Variants in SUPT3H observed in about 807,000 individuals in gnomAD.
SUPT3H encodes SPT3 homolog, SAGA and STAGA complex component.
In SUPT3H, 44 loss-of-function variants were observed where a neutral mutation model predicts 44.3. That is an observed-to-expected ratio of 0.99 (90% CI 0.78 to 1.28). The LOEUF is 1.28. Ranked by LOEUF, SUPT3H falls within the 50% of genes most tolerant of loss-of-function variation. SUPT3H has a pLI of 0.00. For missense variants in SUPT3H, 380 were observed against 387.1 expected (o/e 0.98, Z 0.15); for synonymous variants, 124 against 125.6 (o/e 0.99, Z 0.09).
intron 10 of SUPT3H, among the ~76,000 whole-genome samples, chr6:44,837,388 C>A (rs1770114298): frequency 6.6e-6 from 1 of 152,202 alleles, no homozygotes; most frequent in Admixed American, 6.5e-5. Flanking sequence ...ATTTGACTAG[C>A]AGGTAGCTTC....
At chr6:45,245,336 T>G (rs1041418903) in intron 2 of SUPT3H, among the ~76,000 whole-genome samples, 2 of 152,104 alleles carry the variant, frequency 1.3e-5, no homozygotes, top group African/African-American at 2.4e-5. Context: ...AGGTTAAAAT[T>G]CAGTGACATT....
intron 2 of SUPT3H, among the ~76,000 whole-genome samples, chr6:45,354,208 T>C (rs1006112788): frequency 6.6e-6 from 1 of 152,148 alleles, no homozygotes; most frequent in Non-Finnish European, 1.5e-5. Context: ...ATATCATTTT[T>C]AATAATAGTG....
intron 2 of SUPT3H, among the ~76,000 whole-genome samples, chr6:45,351,111 G>A (rs1457135302): frequency 6.6e-6 from 1 of 152,058 alleles, no homozygotes; most frequent in Non-Finnish European, 1.5e-5. Context: ...CAGGTCTGTG[G>A]AAAAAATGCC....
At chr6:45,275,324 T>G (rs1425467319) in intron 2 of SUPT3H, among the ~76,000 whole-genome samples, 5 of 152,210 alleles carry the variant, frequency 3.3e-5, no homozygotes, top group African/African-American at 7.2e-5. Context: ...ATCTATAATA[T>G]TCTTATAATC....
At chr6:45,056,878 A>G (rs1388700164) in intron 3 of SUPT3H, among the ~76,000 whole-genome samples, 1 of 152,202 alleles carries the variant, frequency 6.6e-6, no homozygotes, top group Non-Finnish European at 1.5e-5. Flanking sequence ...GTCTTAAACA[A>G]CAACAAAATT....
At chr6:45,332,517 C>T (rs1787721008) in intron 2 of SUPT3H, among the ~76,000 whole-genome samples, 1 of 151,754 alleles carries the variant, frequency 6.6e-6, no homozygotes, top group South Asian at 2.1e-4. Context: ...CATACAAATA[C>T]CAATCTTCCA....
intron 2 of SUPT3H, among the ~76,000 whole-genome samples, chr6:45,120,418 A>T (rs1051470234): frequency 1.6e-4 from 2 of 12,184 alleles, no homozygotes; most frequent in Non-Finnish European, 2.7e-4. Context: ...GACCTTGTCT[A>T]AAAAAAAAAA....
intron 10 of SUPT3H, among the ~76,000 whole-genome samples, chr6:44,904,078 A>T (rs188253061): frequency 3.2e-4 from 48 of 152,340 alleles, no homozygotes; most frequent in Middle Eastern, 6.8e-3. Flanking sequence ...AATATCATAC[A>T]GAATGGGCAA....
At chr6:45,133,212 G>C (rs1700259011) in intron 2 of SUPT3H, among the ~76,000 whole-genome samples, 1 of 152,098 alleles carries the variant, frequency 6.6e-6, no homozygotes, top group South Asian at 2.1e-4. Flanking sequence ...TCCACACAAA[G>C]TTCTTTTCTT....
intron 3 of SUPT3H, among the ~76,000 whole-genome samples, chr6:45,087,143 T>A (rs995891450): frequency 9.2e-5 from 14 of 152,076 alleles, no homozygotes; most frequent in African/African-American, 3.1e-4. Context: ...AGAATATATA[T>A]TTTGAAGAAA....
intron 1 of SUPT3H, among the ~76,000 whole-genome samples, chr6:45,372,847 T>C (rs972243940): frequency 3.4e-4 from 51 of 152,018 alleles, no homozygotes; most frequent in Non-Finnish European, 7.4e-5. Flanking sequence ...AGATGGAGTT[T>C]TGCTCTGTCA....
chr6:45,312,843 T>C (rs2149997095), intron 2 of SUPT3H, among the ~76,000 whole-genome samples: 1 of 152,236 alleles, frequency 6.6e-6, no homozygotes, highest in Admixed American at 6.5e-5. Flanking sequence ...ACACATTCTA[T>C]TCAACAGCCA....
chr6:45,077,293 T>C (rs1455118520), intron 3 of SUPT3H, among the ~76,000 whole-genome samples: 1 of 152,100 alleles, frequency 6.6e-6, no homozygotes, highest in Non-Finnish European at 1.5e-5. Context: ...GCCTTGTCCA[T>C]AGTACCAACC....
chr6:44,981,697 A>T (rs1290387401), intron 6 of SUPT3H, among the ~76,000 whole-genome samples: 1 of 152,038 alleles, frequency 6.6e-6, no homozygotes, highest in Non-Finnish European at 1.5e-5. Flanking sequence ...GCTTCATCTC[A>T]CTGTGACTGA....
chr6:44,928,122 T>TAAG (rs1337760153), intron 10 of SUPT3H, among the ~76,000 whole-genome samples: 1 of 152,160 alleles, frequency 6.6e-6, no homozygotes, highest in Non-Finnish European at 1.5e-5. Context: ...ACTCAGCTTG[T>TAAG]AGGTAGCAGG....
intron 2 of SUPT3H, among the ~76,000 whole-genome samples, chr6:45,213,086 C>A (rs868743033): frequency 6.6e-6 from 1 of 152,092 alleles, no homozygotes; most frequent in Admixed American, 6.5e-5. Flanking sequence ...GTCAAAAAGA[C>A]AAAACAACTG....
At chr6:44,944,003 TTTTGGC>T (rs1772883039) in intron 9 of SUPT3H, among the ~76,000 whole-genome samples, 1 of 152,092 alleles carries the variant, frequency 6.6e-6, no homozygotes. Context: ...CTTCTCAGCC[TTTTGGC>T]TAAGATCAAG....
chr6:45,253,934 T>C (rs941309496), intron 2 of SUPT3H, among the ~76,000 whole-genome samples: 4 of 145,234 alleles, frequency 2.8e-5, no homozygotes, highest in South Asian at 4.4e-4. Flanking sequence ...CAAAAATACA[T>C]ACATATATAC....
At chr6:44,888,134 A>T (rs1366875350) in intron 10 of SUPT3H, among the ~76,000 whole-genome samples, 1 of 152,210 alleles carries the variant, frequency 6.6e-6, no homozygotes, top group African/African-American at 2.4e-5. Context: ...TGGCTTACCA[A>T]CCAAAAAGTG....
Sources: gnomAD v4.1 joint callset for allele counts (sites outside exome capture counted in the v4.1 genomes callset) on GRCh38, gnomAD v4.1.1 for gene constraint, MANE v1.5 for transcripts, NCBI Gene and HGNC (gene_info 2026-07-23, HGNC 2026-07-21) for gene names.